Variants in CPA6 observed in about 807,000 individuals in gnomAD.
CPA6 encodes carboxypeptidase A6, also known as carboxypeptidase B.
Under a neutral mutation model 63.3 loss-of-function variants are expected in CPA6, and 58 were observed. The ratio of observed to expected loss-of-function variants is 0.92; its 90% CI spans 0.74 to 1.14. The LOEUF (loss-of-function observed/expected upper bound fraction) is 1.14, where lower values mean the gene tolerates loss of function less well. CPA6 is among the 50% of genes most tolerant of loss of function. The pLI is 0.00. For missense variants in CPA6, 565 were observed against 526.6 expected (o/e 1.07, Z -0.71); for synonymous variants, 185 against 179.0 (o/e 1.03, Z -0.27).
In CPA6 at chr8:67,476,555, T is replaced by C. The variant is rs79994381; in HGVS notation, c.838+7213A>G. On this transcript the variant is annotated intron_variant, in intron 8 of 10. Transcript: ENST00000297770. ...ATTCCCAATCTCTCTCTCTCTCTCT[T>C]TTTTTTTTTTTGTCTATTTCATTTT... 6.0e-3 allele frequency among the ~76,000 whole-genome samples: 786 copies of C among 130,576 alleles called. 8 individuals carry two copies. Among genetic ancestry groups the C allele is most frequent in the African/African-American group, 0.027 (720 of 26,906 alleles). The allele number at this position is 130,576 out of a possible 152,430, so 85.7% of individuals were successfully genotyped here. A position where few individuals can be genotyped will look rare whatever the true frequency, so the allele number is the denominator to read the frequency against.
chr8:67,498,866 G>T (rs895899687), intron 6 of CPA6, among the ~76,000 whole-genome samples: 2 of 152,148 alleles, frequency 1.3e-5, no homozygotes, highest in African/African-American at 4.8e-5. Context: ...AGAAAGAGAG[G>T]TAGCATGTAC....
At chr8:67,589,412 A>T (rs1254456961) in intron 2 of CPA6, among the ~76,000 whole-genome samples, 1 of 152,206 alleles carries the variant, frequency 6.6e-6, no homozygotes, top group African/African-American at 2.4e-5. Flanking sequence ...GGAAATATAG[A>T]CAGACATTTA....
chr8:67,500,454 G>T (rs922472117), intron 6 of CPA6, among the ~76,000 whole-genome samples: 1 of 151,980 alleles, frequency 6.6e-6, no homozygotes, highest in Non-Finnish European at 1.5e-5. Flanking sequence ...TCTGTGATTT[G>T]CATATGTTTT....
intron 2 of CPA6, among the ~76,000 whole-genome samples, chr8:67,607,224 T>G (rs1465367081): frequency 9.1e-6 from 1 of 109,906 alleles, no homozygotes; most frequent in Non-Finnish European, 1.9e-5. Context: ...TTCTTCTTCT[T>G]CTTCTTCTTC....
chr8:67,514,323 A>G (rs569031834), intron 3 of CPA6, among the ~76,000 whole-genome samples: 2 of 152,308 alleles, frequency 1.3e-5, no homozygotes, highest in African/African-American at 4.8e-5. Context: ...AAAATGTTTT[A>G]TGGTAGAATG....
intron 2 of CPA6, among the ~76,000 whole-genome samples, chr8:67,557,189 T>G (rs553754472): frequency 2.0e-5 from 3 of 152,264 alleles, no homozygotes; most frequent in South Asian, 2.1e-4. Flanking sequence ...CCTGAACAGA[T>G]TTAATTGTAC....
intron 2 of CPA6, among the ~76,000 whole-genome samples, chr8:67,546,832 T>C (rs1205163539): frequency 1.3e-5 from 2 of 152,094 alleles, no homozygotes; most frequent in Non-Finnish European, 2.9e-5. Context: ...GGATTTACTT[T>C]ATCTTTTTTC....
chr8:67,540,874 A>G (rs1452131094), intron 2 of CPA6, among the ~76,000 whole-genome samples: 1 of 152,186 alleles, frequency 6.6e-6, no homozygotes, highest in Non-Finnish European at 1.5e-5. Flanking sequence ...CCAGTGTCCC[A>G]GGTTGACTTC....
At chr8:67,723,470 G>C (rs923779024) in intron 1 of CPA6, among the ~76,000 whole-genome samples, 1 of 152,114 alleles carries the variant, frequency 6.6e-6, no homozygotes, top group African/African-American at 2.4e-5. Context: ...CGTGGCGGAG[G>C]ATCTTAACTT....
intron 2 of CPA6, among the ~76,000 whole-genome samples, chr8:67,608,719 G>A (rs181928929): frequency 2.0e-5 from 3 of 152,278 alleles, no homozygotes; most frequent in Middle Eastern, 3.4e-3. Flanking sequence ...CCATGGGGCC[G>A]GAGCCCAACA....
chr8:67,676,764 TA>T (rs1247017411), intron 1 of CPA6, among the ~76,000 whole-genome samples: 2 of 152,214 alleles, frequency 1.3e-5, no homozygotes, highest in African/African-American at 4.8e-5. Flanking sequence ...TAGTATATTA[TA>T]ACCCCCATTC....
intron 2 of CPA6, among the ~76,000 whole-genome samples, chr8:67,614,693 G>A (rs921083205): frequency 2.0e-5 from 3 of 152,156 alleles, no homozygotes; most frequent in African/African-American, 7.2e-5. Flanking sequence ...TACTATGCCT[G>A]TGTTTGCAAC....
chr8:67,581,166 G>A (rs1587592184), intron 2 of CPA6, among the ~76,000 whole-genome samples: 1 of 152,178 alleles, frequency 6.6e-6, no homozygotes, highest in Non-Finnish European at 1.5e-5. Context: ...AAGATTTACA[G>A]TACTGGTCAA....
At chr8:67,704,583 G>A (rs974654605) in intron 1 of CPA6, among the ~76,000 whole-genome samples, 1 of 152,164 alleles carries the variant, frequency 6.6e-6, no homozygotes, top group African/African-American at 2.4e-5. Flanking sequence ...TGAAGGCAAG[G>A]TTAGGGGTAC....
At chr8:67,549,829 G>A (rs1812901529) in intron 2 of CPA6, among the ~76,000 whole-genome samples, 1 of 152,174 alleles carries the variant, frequency 6.6e-6, no homozygotes, top group Non-Finnish European at 1.5e-5. Context: ...TCCTTGTGAA[G>A]GCTGAATAAT....
chr8:67,590,093 T>G (rs191113963), intron 2 of CPA6, among the ~76,000 whole-genome samples: 3 of 148,806 alleles, frequency 2.0e-5, no homozygotes, highest in African/African-American at 7.3e-5. Flanking sequence ...CCTGTGTCCA[T>G]GTGTTCTCAT....
intron 2 of CPA6, among the ~76,000 whole-genome samples, chr8:67,548,783 C>T (rs1563995643): frequency 6.6e-6 from 1 of 152,176 alleles, no homozygotes; most frequent in South Asian, 2.1e-4. Flanking sequence ...TGAGGGATTT[C>T]CCACTGCCTC....
chr8:67,681,279 G>A (rs985271798), intron 1 of CPA6, among the ~76,000 whole-genome samples: 4 of 136,476 alleles, frequency 2.9e-5, no homozygotes, highest in African/African-American at 5.8e-5. Context: ...GCGCAATCTC[G>A]GCTCACTGCA....
At chr8:67,578,618 TG>T (rs34154476) in intron 2 of CPA6, among the ~76,000 whole-genome samples, 54,419 of 151,864 alleles carry the variant, frequency 0.36, 10,235 homozygotes, top group East Asian at 0.51. Flanking sequence ...GTGCTCCTTA[TG>T]GGTCCCTGTT....
Sources: gnomAD v4.1 joint callset for allele counts (sites outside exome capture counted in the v4.1 genomes callset) on GRCh38, gnomAD v4.1.1 for gene constraint, MANE v1.5 for transcripts, NCBI Gene and HGNC (gene_info 2026-07-23, HGNC 2026-07-21) for gene names.